The following GRAMD1A variants were observed in gnomAD, a reference collection of about 807,000 sequenced individuals.
GRAMD1A encodes protein Aster-A.
GRAMD1A carries 50 observed loss-of-function variants against 92.0 expected under a neutral mutation model. The observed-to-expected ratio is 0.54, with a 90% CI of 0.43 to 0.69. GRAMD1A has a LOEUF of 0.69. GRAMD1A is among the 30% of genes least tolerant of loss of function. GRAMD1A has a pLI of 0.00. For synonymous variants in GRAMD1A, 405 were observed against 403.6 expected, an observed-to-expected ratio of 1.00 and a Z score of -0.04; for missense variants, 819 against 978.9, an observed-to-expected ratio of 0.84 and a Z score of 2.18.
chr19:35,010,481 C>G, intron 6 of GRAMD1A, 102 bp downstream of exon 6: 1 of 774,878 alleles, frequency 1.3e-6, no homozygotes, highest in Non-Finnish European at 2.2e-6. Flanking sequence ...GAGTTCTCTC[C>G]GAGCTGTCCC....
chr19:35,018,820 C>T (rs1568334252), intron 11 of GRAMD1A, among the ~76,000 whole-genome samples: 2 of 151,998 alleles, frequency 1.3e-5, no homozygotes, highest in Admixed American at 6.5e-5. Context: ...GCCTGGAGGA[C>T]CCTGGGCCAC....
intron 7 of GRAMD1A, chr19:35,012,939 C>T (rs1267267492): frequency 7.2e-6 from 2 of 275,932 alleles, no homozygotes; most frequent in Admixed American, 4.4e-5. Context: ...CACACCACTG[C>T]ACTCCAGCCT....
At position 35,026,389 on chromosome 19, in the gene GRAMD1A, G is replaced by A; in HGVS notation, c.*248G>A. The A allele has an allele frequency of 3.5e-6, 2 of 565,602 alleles. No homozygotes were observed. Among genetic ancestry groups the A allele is most frequent in the South Asian group, 2.3e-5 (1 of 43,810 alleles). 35.0% of individuals were successfully genotyped at this position (565,602 alleles called of 1,614,324 possible). A position where few individuals can be genotyped will look rare whatever the true frequency, so the allele number is the denominator to read the frequency against. ...TGAGGTTGTGGGGGGCGCCTCCTGG[G>A]GTGCACGATTCCCTCAGCTCTGGGT... On this transcript the variant is annotated 3_prime_UTR_variant, in exon 20 of 20. Coordinates refer to ENST00000317991, the MANE Select transcript of GRAMD1A (RefSeq NM_020895.5).
intron 19 of GRAMD1A, among the ~76,000 whole-genome samples, chr19:35,024,134 C>T (rs1455706076): frequency 1.3e-5 from 2 of 152,224 alleles, no homozygotes; most frequent in East Asian, 3.8e-4. Context: ...ACTCAGACAA[C>T]CAGGTTCCAA....
upstream of GRAMD1A, among the ~76,000 whole-genome samples, chr19:34,995,583 T>TTTG (rs2014001909): frequency 7.0e-6 from 1 of 143,548 alleles, no homozygotes; most frequent in African/African-American, 2.6e-5. Flanking sequence ...TTTTTTTTTT[T>TTTG]TTTTTTTTTT....
Position 35,000,417 on chromosome 19 carries a change from A to AGCCCT in GRAMD1A, c.-58_-57insTGCCC. On this transcript the variant is annotated 5_prime_UTR_variant, in exon 1 of 20. Transcript: ENST00000317991. This position sits in a 1 kb window ranked among gnomAD's most constrained non-coding sequence, Gnocchi z 4.9. ...CGCCCAGCGCAGCCCAGCCCCGCGC[A>AGCCCT]GCCCAGCCCTGCCCTGCCCTGCCCT... The AGCCCT allele has an allele frequency of 1.9e-6, 2 of 1,032,628 alleles. No homozygotes were observed. Among genetic ancestry groups the AGCCCT allele is most frequent in the Admixed American group, 6.5e-5 (1 of 15,356 alleles). 64.0% of individuals were successfully genotyped at this position (1,032,628 alleles called of 1,614,324 possible). A position where few individuals can be genotyped will look rare whatever the true frequency, so the allele number is the denominator to read the frequency against.
chr19:35,008,723 A>C (rs568032123), intron 1 of GRAMD1A, among the ~76,000 whole-genome samples: 19 of 152,294 alleles, frequency 1.2e-4, no homozygotes, highest in African/African-American at 4.3e-4. Context: ...AGGCTAAGGC[A>C]GGAGAATCAG....
upstream of GRAMD1A, among the ~76,000 whole-genome samples, chr19:34,997,623 T>C (rs1023550649): frequency 6.6e-6 from 1 of 152,122 alleles, no homozygotes; most frequent in African/African-American, 2.4e-5. Flanking sequence ...GCTTTGTGCA[T>C]GGATGTGGAG....
In GRAMD1A at chr19:35,000,415, G is replaced by GCAGCC. The variant is rs959187219; in HGVS notation, c.-57_-53dup. 2.1e-5 allele frequency: 11 copies of GCAGCC among 528,190 alleles called. No homozygotes were observed. The highest frequency in any genetic ancestry group is 3.2e-5 in the African/African-American group (1 of 31,216). The allele number at this position is 528,190 out of a possible 1,614,324, so 32.7% of individuals were successfully genotyped here. A position where few individuals can be genotyped will look rare whatever the true frequency, so the allele number is the denominator to read the frequency against. On this transcript the variant is annotated 5_prime_UTR_variant, in exon 1 of 20. Coordinates refer to ENST00000317991, the MANE Select transcript of GRAMD1A (RefSeq NM_020895.5). This position sits in a 1 kb window ranked among gnomAD's most constrained non-coding sequence, Gnocchi z 4.9. Reference sequence around the variant, plus strand: ...GACGCCCAGCGCAGCCCAGCCCCGCGCAGCCCAGCCCTGCCCTGCCCTGCC... The same window carrying GCAGCC: ...GACGCCCAGCGCAGCCCAGCCCCGCGCAGCCCAGCCCAGCCCTGCCCTGCCCTGCC...
At chr19:35,023,027 T>A in intron 17 of GRAMD1A, 116 bp downstream of exon 17, 1 of 914,538 alleles carries the variant, frequency 1.1e-6, no homozygotes, top group Non-Finnish European at 1.7e-6. Flanking sequence ...GGCATGGCAG[T>A]CAAGGGTATG....
In GRAMD1A at chr19:35,011,509, C is replaced by T. The variant is rs752771354; in HGVS notation, c.561C>T (p.Cys187=). 1.6e-5 allele frequency: 25 copies of T among 1,611,620 alleles called. No homozygotes were observed. The highest frequency in any genetic ancestry group is 2.1e-5 in the Non-Finnish European group (25 of 1,179,756). ...FFTSFGARDR[C]FLLIFRLWQN... ...CTTCCTTTGGGGCCCGTGACCGCTG[C>T]TTCCTCCTCATCTTCCGCCTCTGGC... The change falls in exon 7 of 20, where the codon TGC becomes TGT. Residue 187 remains cysteine, a synonymous_variant. Transcript: ENST00000317991.
chr19:35,021,577 C>G lies in GRAMD1A; in HGVS notation c.1551C>G (p.Ser517Arg), dbSNP rs745402036. ...VKSLIEKNSWSGIEDYFHHLE... is the reference protein window; with the variant it reads ...VKSLIEKNSWRGIEDYFHHLE... ...CGCTCATTGAGAAGAACTCGTGGAG[C>G]GGCATTGAAGACTATTTCCACCATC... The change falls in exon 14 of 20, where the codon AGC (serine) becomes AGG (arginine). Residue 517 changes from serine (S) to arginine (R), a missense_variant. Coordinates refer to ENST00000317991, the MANE Select transcript of GRAMD1A (RefSeq NM_020895.5). The surrounding 1 kb of genome is among the most constrained non-coding windows in gnomAD (Gnocchi z 5.3). 37 of 1,613,908 alleles carry G rather than the reference C, an allele frequency of 2.3e-5. No individual in the cohort carries two copies. The highest frequency in any genetic ancestry group is 3.0e-5 in the Non-Finnish European group (35 of 1,179,864).
At chr19:35,009,513 G>T in intron 3 of GRAMD1A, 70 bp downstream of exon 3, 1 of 1,533,834 alleles carries the variant, frequency 6.5e-7, no homozygotes, top group Admixed American at 1.7e-5. Context: ...GCCCCAGGCT[G>T]CAACAGTCAA....
chr19:35,004,784 G>A (rs934995310), intron 1 of GRAMD1A, among the ~76,000 whole-genome samples: 9 of 152,180 alleles, frequency 5.9e-5, no homozygotes, highest in African/African-American at 1.7e-4. Context: ...ATCTTAGTCC[G>A]CCAGTCCCTG....
chr19:35,015,980 A>G lies in GRAMD1A; in HGVS notation c.1213+13A>G, dbSNP rs867614503. ...TGCAAGTTCACAGGTCAGCGGGCGCATGAAGGAGAGGCTGAGGTTACCCAG... is the reference window on the plus strand; with the variant it reads ...TGCAAGTTCACAGGTCAGCGGGCGCGTGAAGGAGAGGCTGAGGTTACCCAG... On this transcript the variant is annotated intron_variant, in intron 11 of 19. Transcript: ENST00000317991. The G allele has an allele frequency of 3.1e-6, 5 of 1,610,790 alleles. No homozygotes were observed. Among genetic ancestry groups the G allele is most frequent in the Non-Finnish European group, 3.4e-6 (4 of 1,178,300 alleles).
At chr19:34,997,774 A>G (rs1451717225), upstream of GRAMD1A, among the ~76,000 whole-genome samples, 2 of 152,192 alleles carry the variant, frequency 1.3e-5, no homozygotes, top group South Asian at 2.1e-4. Flanking sequence ...AAGGACAGAA[A>G]AGTACACAGG....
Position 35,021,990 on chromosome 19 carries a change from A to G in GRAMD1A, c.1793A>G (p.Gln598Arg), listed in dbSNP as rs2016095988. Residue 598 changes from glutamine (Q) to arginine (R), a missense_variant, in exon 16 of 20, where the codon CAG becomes CGG. Gln to Arg is a conservative substitution (Grantham distance 43). Transcript: ENST00000317991. The surrounding 1 kb of genome is among the most constrained non-coding windows in gnomAD (Gnocchi z 5.3). ...CGCTTCTCCGAACCATCTGTGGACC[A>G]GGGCCCCGGGGCAGGCATCCCCAGT... ...SSRFSEPSVD[Q>R]GPGAGIPSAL... The G allele has an allele frequency of 6.2e-7, 1 of 1,613,936 alleles. No individual in the cohort carries two copies. Among genetic ancestry groups the G allele is most frequent in the Non-Finnish European group, 8.5e-7 (1 of 1,179,958 alleles).
intron 19 of GRAMD1A, 91 bp from the exon 20 acceptor site, chr19:35,025,958 C>A: frequency 1.3e-6 from 1 of 762,392 alleles, no homozygotes; most frequent in East Asian, 2.5e-5. Context: ...TCTAGACCGT[C>A]CTCAGTTTCT....
chr19:34,995,248 G>A (rs995449253), intron 1 of GRAMD1A, among the ~76,000 whole-genome samples: 4 of 152,250 alleles, frequency 2.6e-5, no homozygotes, highest in Non-Finnish European at 5.9e-5. Flanking sequence ...GTGTGGAAGG[G>A]ACACAGGGCA....
Sources: allele counts gnomAD v4.1 joint callset (sites outside exome capture counted in the v4.1 genomes callset), GRCh38; gene constraint gnomAD v4.1.1; non-coding constraint Gnocchi (gnomAD v3.1); transcripts MANE v1.5; gene names NCBI Gene and HGNC (gene_info 2026-07-23, HGNC 2026-07-21).